Variants in CCDC59 observed in about 807,000 individuals in gnomAD.
CCDC59 encodes thyroid transcription factor 1-associated protein 26.
In CCDC59, 27 loss-of-function variants were observed where a neutral mutation model predicts 30.5. That is an observed-to-expected ratio of 0.89 (90% CI 0.65 to 1.22). The LOEUF (loss-of-function observed/expected upper bound fraction) is 1.22. CCDC59 is among the 50% of genes most tolerant of loss of function. The pLI is 0.00. For missense variants in CCDC59, 362 were observed against 284.4 expected (o/e 1.27, Z -1.96); for synonymous variants, 125 against 100.9 (o/e 1.24, Z -1.43).
rs536550487 is a variant in CCDC59 at position 82,358,112 on chromosome 12, C to T, written c.154+111G>A. The T allele has an allele frequency of 2.3e-3, 2,923 of 1,252,288 alleles. 8 individuals carry two copies. The highest frequency in any genetic ancestry group is 2.8e-3 in the Non-Finnish European group (2,528 of 892,036). The allele number at this position is 1,252,288 out of a possible 1,614,324, so 77.6% of individuals were successfully genotyped here. A position where few individuals can be genotyped will look rare whatever the true frequency, so the allele number is the denominator to read the frequency against. ...CGGGCTCAGGAATGAATTCCCTTGC[C>T]CCAAGTAGGACCGGGTCTGGTTCCT... On this transcript the variant is annotated intron_variant, in intron 1 of 3. Transcript: ENST00000256151.
At chr12:82,353,644 C>T (rs1397214132) in intron 3 of CCDC59, among the ~76,000 whole-genome samples, 2 of 152,096 alleles carry the variant, frequency 1.3e-5, no homozygotes, top group Non-Finnish European at 2.9e-5. Context: ...TTGGAAAAAG[C>T]ATAAAGCTGT....
At chr12:82,356,859 G>T in intron 2 of CCDC59, 101 bp downstream of exon 2, 2 of 941,568 alleles carry the variant, frequency 2.1e-6, no homozygotes, top group Non-Finnish European at 1.5e-6. Context: ...CTTCTAAAAT[G>T]TGTTAAATAA....
chr12:82,357,096 T>C lies in CCDC59; in HGVS notation c.328A>G (p.Lys110Glu). ...TGTTCTGACAAAGGATGGTCGACTT[T>C]TCTTGCTTGCTTCCTATGTCTTTCC... Reference protein sequence around the residue: ...EEERHRKQARKVDHPLSEQVH... With the variant: ...EEERHRKQAREVDHPLSEQVH... The change falls in exon 2 of 4, where the codon AAA (lysine) becomes GAA (glutamate). Residue 110 changes from lysine (K) to glutamate (E), a missense_variant. Physicochemically the swap from Lys to Glu is moderately conservative, Grantham distance 56. Transcript: ENST00000256151. 1.2e-6 allele frequency: 2 copies of C among 1,614,216 alleles called. No individual in the cohort carries two copies. The highest frequency in any genetic ancestry group is 1.7e-6 in the Non-Finnish European group (2 of 1,180,024).
rs1283016609 is a variant in CCDC59, at chr12:82,357,264, C to T, written c.160G>A (p.Gly54Ser). Reference protein sequence around the residue: ...AFVGSVREGQGFAFRRKLKIQ... With the variant: ...AFVGSVREGQSFAFRRKLKIQ... ...TTCAGTTTTCTTCGAAAAGCAAAGC[C>T]TTGTCCTACATTGAGGAATATCATC... Residue 54 changes from glycine to serine, a missense_variant, in exon 2 of 4, where the codon GGC becomes AGC. Transcript: ENST00000256151. The T allele has an allele frequency of 1.3e-6, 2 of 1,565,454 alleles. No individual in the cohort carries two copies. The highest frequency in any genetic ancestry group is 1.7e-6 in the Non-Finnish European group (2 of 1,160,764).
In CCDC59 at chr12:82,353,055, C is replaced by T; in HGVS notation, c.*96G>A. 1.1e-6 allele frequency: 1 copy of T among 905,822 alleles called. No individual in the cohort carries two copies. Among genetic ancestry groups the T allele is most frequent in the South Asian group, 2.0e-5 (1 of 50,058 alleles). 56.1% of individuals were successfully genotyped at this position (905,822 alleles called of 1,614,324 possible). A position where few individuals can be genotyped will look rare whatever the true frequency, so the allele number is the denominator to read the frequency against. ...TTATATTTAGCATAGTTTAGCAATC[C>T]AGTTTATGTCGACAAATTTAGTTCA... On this transcript the variant is annotated 3_prime_UTR_variant, in exon 4 of 4. Coordinates refer to ENST00000256151, the MANE Select transcript of CCDC59 (RefSeq NM_014167.5).
chr12:82,358,513 C>T, upstream of CCDC59: 1 of 1,597,344 alleles, frequency 6.3e-7, no homozygotes, highest in Non-Finnish European at 8.5e-7. Context: ...TTGGGCCGAG[C>T]TGGCGCCTCA....
rs754698019 is a variant in CCDC59, at chr12:82,357,134, T to C, written c.290A>G (p.Tyr97Cys). 3.7e-6 allele frequency: 6 copies of C among 1,614,174 alleles called. No individual in the cohort carries two copies. Among genetic ancestry groups the C allele is most frequent in the South Asian group, 3.3e-5 (3 of 91,088 alleles). ...CCTATGTCTTTCCTCTTCAGCTAAATAGAGATGTTTCAGATTATCTGGGTA... is the reference window on the plus strand; with the variant it reads ...CCTATGTCTTTCCTCTTCAGCTAAACAGAGATGTTTCAGATTATCTGGGTA... ...DRYPDNLKHL[Y>C]LAEEERHRKQ... The change falls in exon 2 of 4, where the codon TAT becomes TGT. Residue 97 changes from tyrosine to cysteine, a missense_variant. Tyr to Cys is a radical substitution (Grantham distance 194). Coordinates refer to ENST00000256151, the MANE Select transcript of CCDC59 (RefSeq NM_014167.5).
intron 3 of CCDC59, 135 bp from the exon 4 acceptor site, chr12:82,353,447 T>C (rs1036289045): frequency 6.2e-6 from 4 of 648,914 alleles, no homozygotes; most frequent in Non-Finnish European, 7.5e-6. Flanking sequence ...GCACTGTTTC[T>C]CCTAATTGAA....
chr12:82,358,672 C>T (rs751525377), upstream of CCDC59: 1 of 1,614,198 alleles, frequency 6.2e-7, no homozygotes, highest in Non-Finnish European at 8.5e-7. Context: ...ATTTCCAATG[C>T]ACATACCGTG....
rs1477739865 is a variant in CCDC59, at chr12:82,358,282, A to T, written c.95T>A (p.Val32Glu). 3.7e-6 allele frequency: 6 copies of T among 1,614,016 alleles called. No homozygotes were observed. The highest frequency in any genetic ancestry group is 1.7e-5 in the Admixed American group (1 of 60,004). Residue 32 changes from valine to glutamate, a missense_variant, in exon 1 of 4, where the codon GTG becomes GAG. Coordinates refer to ENST00000256151, the MANE Select transcript of CCDC59 (RefSeq NM_014167.5). The stretch of plus-strand genomic sequence containing the variant: ...GTTAGGCCGCCATGTCTTCTGTCTC[A>T]CATTCTTATTCCTGTACCCGACAGT... ...VSTVGYRNKN[V>E]RQKTWRPNHP...
At chr12:82,357,973 A>T (rs1376952094) in intron 1 of CCDC59, among the ~76,000 whole-genome samples, 1 of 152,178 alleles carries the variant, frequency 6.6e-6, no homozygotes, top group African/African-American at 2.4e-5. Flanking sequence ...TTCTCAGGAA[A>T]AATATAGGAA....
upstream of CCDC59, chr12:82,358,391 T>C: frequency 1.9e-6 from 3 of 1,612,418 alleles, no homozygotes; most frequent in Non-Finnish European, 2.5e-6. Flanking sequence ...GCCGACTAAC[T>C]GCGTCATCAG....
upstream of CCDC59, chr12:82,358,791 A>T (rs755396180): frequency 9.9e-6 from 16 of 1,612,596 alleles, no homozygotes; most frequent in Non-Finnish European, 1.3e-5. Flanking sequence ...GCCCTCAGAG[A>T]CGCGCCCCCT....
upstream of CCDC59, chr12:82,358,422 C>T: frequency 6.2e-7 from 1 of 1,608,606 alleles, no homozygotes; most frequent in Non-Finnish European, 8.5e-7. Context: ...CGGACGCCCA[C>T]AAAATACGTC....
intron 2 of CCDC59, 42 bp downstream of exon 2, chr12:82,356,918 T>C (rs778715930): frequency 2.1e-6 from 3 of 1,461,388 alleles, no homozygotes; most frequent in Middle Eastern, 2.2e-4. Flanking sequence ...TTTTAAATAA[T>C]AAAACAACAC....
rs760951690 is a variant in CCDC59 at position 82,353,459 on chromosome 12, CA to C, written c.565-148del. 13 of 593,526 alleles carry C rather than the reference CA, an allele frequency of 2.2e-5. No individual in the cohort carries two copies. In the East Asian group the frequency reaches 2.3e-4, roughly 11 times the overall value. The allele number at this position is 593,526 out of a possible 1,614,324, so 36.8% of individuals were successfully genotyped here. A position where few individuals can be genotyped will look rare whatever the true frequency, so the allele number is the denominator to read the frequency against. ...TGTGCACTGTTTCTCCTAATTGAAG[CA>C]AAGTACCCTCTTTGCCTTCATATTA... On this transcript the variant is annotated intron_variant, in intron 3 of 3. Coordinates refer to ENST00000256151, the MANE Select transcript of CCDC59 (RefSeq NM_014167.5).
In CCDC59 at chr12:82,352,790, GTT is replaced by G. The variant is rs1880866808; in HGVS notation, c.*359_*360del. 6.3e-6 allele frequency: 1 copy of G among 158,804 alleles called. No individual in the cohort carries two copies. The highest frequency in any genetic ancestry group is 1.8e-4 in the East Asian group (1 of 5,428). The allele number at this position is 158,804 out of a possible 1,614,324, so 9.8% of individuals were successfully genotyped here. On this transcript the variant is annotated 3_prime_UTR_variant, in exon 4 of 4. Coordinates refer to ENST00000256151, the MANE Select transcript of CCDC59 (RefSeq NM_014167.5). ...AAATAAATTTTAAAACAACGTAACT[GTT>G]TACTAAATTGAAATATTTCATTGAA... is the stretch of plus-strand genomic sequence containing the variant.
In CCDC59 at chr12:82,357,315, T is replaced by G. The variant is rs752501352; in HGVS notation, c.155-46A>C. ...CAAAATTACTTTCAGAGAAAAGAAGTTGAACGAAGAATGGAGCTGTTAATT... is the reference window on the plus strand; with the variant it reads ...CAAAATTACTTTCAGAGAAAAGAAGGTGAACGAAGAATGGAGCTGTTAATT... On this transcript the variant is annotated intron_variant, in intron 1 of 3. Coordinates refer to ENST00000256151, the MANE Select transcript of CCDC59 (RefSeq NM_014167.5). The G allele has an allele frequency of 2.0e-6, 3 of 1,503,922 alleles. No homozygotes were observed. In the East Asian group the frequency reaches 6.8e-5, roughly 34 times the overall value. 93.2% of individuals were successfully genotyped at this position (1,503,922 alleles called of 1,614,324 possible).
chr12:82,353,939 TG>T (rs1230687841), intron 3 of CCDC59, among the ~76,000 whole-genome samples: 5 of 152,026 alleles, frequency 3.3e-5, no homozygotes, highest in Non-Finnish European at 5.9e-5. Context: ...TGTATTCATT[TG>T]AAAAAAGCCT....
Sources: allele counts gnomAD v4.1 joint callset (sites outside exome capture counted in the v4.1 genomes callset), GRCh38; gene constraint gnomAD v4.1.1; transcripts MANE v1.5; gene names NCBI Gene and HGNC (gene_info 2026-07-23, HGNC 2026-07-21).